The following NRXN3 variants were observed in gnomAD, a reference collection of about 807,000 sequenced individuals.
NRXN3 encodes the protein neurexin 3.
NRXN3 carries 32 observed loss-of-function variants against 137.6 expected under a neutral mutation model. That is an observed-to-expected ratio of 0.23 (90% CI 0.18 to 0.31). The LOEUF (loss-of-function observed/expected upper bound fraction) is 0.31. NRXN3 is among the 10% of genes least tolerant of loss of function. The probability of loss-of-function intolerance (pLI) is 1.00; values close to 1 mark genes in which losing one functional copy is unlikely to be tolerated. For missense variants in NRXN3, 1,574 were observed against 2,062.5 expected, an observed-to-expected ratio of 0.76 and a Z score of 4.59; for synonymous variants, 798 against 784.5, an observed-to-expected ratio of 1.02 and a Z score of -0.29.
chr14:78,967,790 A>G (rs978126854), intron 13 of NRXN3, among the ~76,000 whole-genome samples: 4 of 152,304 alleles, frequency 2.6e-5, no homozygotes, highest in Middle Eastern at 6.8e-3. Flanking sequence ...TTGCAAAATG[A>G]GGATAATAAT....
rs139994606 is a variant in NRXN3 at position 78,867,346 on chromosome 14, T to C, written c.2275+57002T>C. ...CCATTAATTTTATAATTACAGACAA[T>C]GTTTTTGCTAACATCTTGAATTCTT... is the stretch of plus-strand genomic sequence containing the variant. On this transcript the variant is annotated intron_variant, in intron 10 of 20. Coordinates refer to ENST00000335750, the MANE Select transcript of NRXN3 (RefSeq NM_001330195.2). 1.8e-3 allele frequency among the ~76,000 whole-genome samples: 269 copies of C among 152,296 alleles called. 1 individual carries two copies. Among genetic ancestry groups the C allele is most frequent in the African/African-American group, 6.3e-3 (262 of 41,566 alleles).
chr14:79,576,195 T>C (rs184152618), intron 16 of NRXN3, among the ~76,000 whole-genome samples: 89 of 152,308 alleles, frequency 5.8e-4, no homozygotes, highest in Non-Finnish European at 1.0e-3. Context: ...GCCCCAAGGA[T>C]GTTATTCACA....
intron 4 of NRXN3, among the ~76,000 whole-genome samples, chr14:78,528,954 T>A (rs2096420520): frequency 6.6e-6 from 1 of 152,166 alleles, no homozygotes; most frequent in Non-Finnish European, 1.5e-5. Context: ...GCAGGCACAA[T>A]GCTAGGTTGT....
chr14:78,178,386 A>G (rs529412342), intron 1 of NRXN3, among the ~76,000 whole-genome samples: 1 of 152,270 alleles, frequency 6.6e-6, no homozygotes, highest in South Asian at 2.1e-4. Context: ...CTTAGGAGTA[A>G]TGCTGCTGGT....
chr14:78,381,603 A>G (rs2089133261), intron 4 of NRXN3, among the ~76,000 whole-genome samples: 1 of 152,208 alleles, frequency 6.6e-6, no homozygotes, highest in South Asian at 2.1e-4. Flanking sequence ...CAGTATTACA[A>G]AATCGTGTAC....
intron 6 of NRXN3, among the ~76,000 whole-genome samples, chr14:78,689,923 G>A (rs558126413): frequency 2.7e-5 from 4 of 147,854 alleles, no homozygotes; most frequent in South Asian, 4.3e-4. Flanking sequence ...TCCCTCCTCC[G>A]CTCCTCCCCA....
chr14:79,074,594 C>T (rs1418442855), intron 15 of NRXN3: 1 of 152,224 alleles, frequency 6.6e-6, no homozygotes, highest in Non-Finnish European at 1.5e-5. Context: ...TGGAAGGAAA[C>T]CTGAGCAGAC....
At chr14:79,715,969 G>A (rs994381586) in intron 19 of NRXN3, among the ~76,000 whole-genome samples, 2 of 152,220 alleles carry the variant, frequency 1.3e-5, no homozygotes, top group African/African-American at 4.8e-5. Flanking sequence ...AAGTCTGGAA[G>A]CATACCATAT....
chr14:78,667,355 T>C (rs1475458029), intron 6 of NRXN3, among the ~76,000 whole-genome samples: 2 of 152,218 alleles, frequency 1.3e-5, no homozygotes, highest in Non-Finnish European at 2.9e-5. Flanking sequence ...ATAAAGCCTT[T>C]AGCTGAATCT....
chr14:78,854,436 G>T (rs965666091), intron 10 of NRXN3, among the ~76,000 whole-genome samples: 2 of 152,054 alleles, frequency 1.3e-5, no homozygotes, highest in African/African-American at 2.4e-5. Flanking sequence ...GGCAAAAAAA[G>T]ATCTGTTAGC....
intron 17 of NRXN3, among the ~76,000 whole-genome samples, chr14:79,685,557 T>G (rs1470246479): frequency 1.3e-5 from 2 of 152,338 alleles, no homozygotes; most frequent in African/African-American, 4.8e-5. Flanking sequence ...CCTGGCATAC[T>G]GAAGAAAGTT....
intron 15 of NRXN3, among the ~76,000 whole-genome samples, chr14:79,452,785 G>C (rs1336213804): frequency 3.9e-5 from 6 of 152,130 alleles, no homozygotes; most frequent in African/African-American, 1.2e-4. Context: ...ACTAGCAAAA[G>C]TCATTGTCTT....
chr14:79,279,080 G>A (rs2080799415), intron 15 of NRXN3, among the ~76,000 whole-genome samples: 1 of 152,214 alleles, frequency 6.6e-6, no homozygotes, highest in Non-Finnish European at 1.5e-5. Context: ...AGAAGAGCAG[G>A]GCACGGGTGA....
At chr14:79,834,621 G>T (rs543712925) in intron 20 of NRXN3, among the ~76,000 whole-genome samples, 2 of 152,190 alleles carry the variant, frequency 1.3e-5, no homozygotes, top group East Asian at 3.9e-4. Flanking sequence ...CACAAAAGGG[G>T]CTAGTGAAAT....
At chr14:79,233,125 T>C (rs2072561746) in intron 15 of NRXN3, among the ~76,000 whole-genome samples, 1 of 152,136 alleles carries the variant, frequency 6.6e-6, no homozygotes, top group Non-Finnish European at 1.5e-5. Flanking sequence ...TCTGAAAACA[T>C]AGGTTAGTCA....
At chr14:79,349,546 ACAC>A (rs1413080149) in intron 15 of NRXN3, among the ~76,000 whole-genome samples, 3 of 8,424 alleles carry the variant, frequency 3.6e-4, no homozygotes, top group Non-Finnish European at 5.0e-4. Flanking sequence ...AAAAAAAAAT[ACAC>A]ACACACACAC....
intron 15 of NRXN3, among the ~76,000 whole-genome samples, chr14:79,022,815 G>T (rs982931531): frequency 2.0e-5 from 3 of 152,140 alleles, no homozygotes; most frequent in Non-Finnish European, 2.9e-5. Flanking sequence ...ATTGCAAACA[G>T]GACTGCAGCC....
intron 1 of NRXN3, among the ~76,000 whole-genome samples, chr14:78,194,503 T>C (rs1054699647): frequency 6.6e-6 from 1 of 152,120 alleles, no homozygotes; most frequent in African/African-American, 2.4e-5. Flanking sequence ...ATGTGTGATC[T>C]AGGTGAGGTC....
intron 4 of NRXN3, among the ~76,000 whole-genome samples, chr14:78,383,898 C>T (rs1232389453): frequency 6.6e-6 from 1 of 152,120 alleles, no homozygotes; most frequent in East Asian, 1.9e-4. Context: ...GGAATCTATC[C>T]CAGTAGCAGT....
Sources: allele counts gnomAD v4.1 joint callset (sites outside exome capture counted in the v4.1 genomes callset), GRCh38; gene constraint gnomAD v4.1.1; transcripts MANE v1.5; gene names NCBI Gene and HGNC (gene_info 2026-07-23, HGNC 2026-07-21).